The following ZNF25 variants were observed in gnomAD, a reference collection of about 807,000 sequenced individuals.
ZNF25 encodes the protein zinc finger protein 25, also known as zinc finger protein 25 (KOX 19).
ZNF25 carries 21 observed loss-of-function variants against 30.9 expected under a neutral mutation model. That is an observed-to-expected ratio of 0.68 (90% confidence interval 0.48 to 0.98). ZNF25 has a LOEUF of 0.98. ZNF25 is among the 50% of genes least tolerant of loss of function. The pLI is 0.00. For synonymous variants in ZNF25, 169 were observed against 181.3 expected, an observed-to-expected ratio of 0.93 and a Z score of 0.55; for missense variants, 501 against 529.9, an observed-to-expected ratio of 0.95 and a Z score of 0.54.
At chr10:37,963,132 T>TTTATTTA (rs1564781708) in intron 2 of ZNF25, among the ~76,000 whole-genome samples, 16 of 151,818 alleles carry the variant, frequency 1.1e-4, no homozygotes, top group African/African-American at 3.6e-4. Flanking sequence ...TTATTTATTT[T>TTTATTTA]TTGAGACAGA....
chr10:37,970,253 C>G (rs535330479), intron 2 of ZNF25, among the ~76,000 whole-genome samples: 64 of 152,198 alleles, frequency 4.2e-4, no homozygotes, highest in African/African-American at 1.4e-3. Context: ...AAATCTAATT[C>G]AGCAATATAT....
At chr10:37,974,738 T>G (rs1341417593) in intron 1 of ZNF25, among the ~76,000 whole-genome samples, 4 of 152,194 alleles carry the variant, frequency 2.6e-5, no homozygotes, top group Non-Finnish European at 5.9e-5. Flanking sequence ...AATTACCATA[T>G]GATCTAGCAA....
intron 2 of ZNF25, 76 bp downstream of exon 2, chr10:37,971,630 AAC>A (rs4007126): frequency 0.16 from 220,983 of 1,361,310 alleles, 2,505 homozygotes; most frequent in Admixed American, 0.22. Flanking sequence ...AAACTCATTA[AAC>A]ACACACACAC....
intron 4 of ZNF25, among the ~76,000 whole-genome samples, chr10:37,954,082 G>C (rs2062360100): frequency 1.3e-5 from 2 of 152,148 alleles, no homozygotes; most frequent in Admixed American, 1.3e-4. Context: ...ACGGGAGTGT[G>C]GGAAGTATAG....
At chr10:37,971,954 G>A (rs2063516894) in intron 1 of ZNF25, 147 bp from the exon 2 acceptor site, 1 of 554,638 alleles carries the variant, frequency 1.8e-6, no homozygotes, top group Non-Finnish European at 3.2e-6. Flanking sequence ...TGATGAGCCT[G>A]GGACATTTTT....
In ZNF25 at chr10:37,971,660, C is replaced by CAA. The variant is rs781658609; in HGVS notation, c.15+47_15+48insTT. The CAA allele has an allele frequency of 1.7e-3, 2,779 of 1,611,004 alleles. 1 individual carries two copies. The highest frequency in any genetic ancestry group is 2.2e-3 in the Non-Finnish European group (2,589 of 1,178,956). On this transcript the variant is annotated intron_variant, in intron 2 of 5. Transcript: ENST00000302609. ...ACACACACACACACACACACACACACACACACACACACAGTGAAACAAAGT... is the reference window on the plus strand; with the variant it reads ...ACACACACACACACACACACACACACAAACACACACACACAGTGAAACAAAGT...
At chr10:37,975,901 G>A (rs143749038) in intron 1 of ZNF25, among the ~76,000 whole-genome samples, 1 of 152,194 alleles carries the variant, frequency 6.6e-6, no homozygotes, top group South Asian at 2.1e-4. Context: ...AGAGGAAAAA[G>A]TGAGGATTTA....
Position 37,967,618 on chromosome 10 carries a change from G to A in ZNF25, c.15+4090C>T, listed in dbSNP as rs149153559. 6.5e-3 allele frequency among the ~76,000 whole-genome samples: 986 copies of A among 152,110 alleles called. 12 individuals carry two copies. Among genetic ancestry groups the A allele is most frequent in the South Asian group, 0.054 (260 of 4,816 alleles). ...AGACAGGGTCTTGTCATGTTGCCCAGGATGGTTTCAAATTCCTGGGCTCAA... is the reference window on the plus strand; with the variant it reads ...AGACAGGGTCTTGTCATGTTGCCCAAGATGGTTTCAAATTCCTGGGCTCAA... On this transcript the variant is annotated intron_variant, in intron 2 of 5. Transcript: ENST00000302609.
At chr10:37,960,642 A>AC in intron 2 of ZNF25, among the ~76,000 whole-genome samples, 1 of 150,496 alleles carries the variant, frequency 6.6e-6, no homozygotes. Flanking sequence ...AAAAAAAAAA[A>AC]AACAAAGAAG....
chr10:37,952,688 C>G lies in ZNF25; in HGVS notation c.810G>C (p.Lys270Asn). The change falls in exon 6 of 6, where the codon AAG (lysine) becomes AAC (asparagine). Residue 270 changes from lysine (K) to asparagine (N), a missense_variant. Physicochemically the swap from Lys to Asn is moderately conservative, Grantham distance 94. Coordinates refer to ENST00000302609, the MANE Select transcript of ZNF25 (RefSeq NM_145011.4). ...TTCTCTGATGTACTGTGAGGTGTGA[C>G]TTCTGGGAAAAGGCTTTCCCACACT... is the stretch of plus-strand genomic sequence containing the variant. Reference protein sequence around the residue: ...CKECGKAFSQKSHLTVHQRMH... With the variant: ...CKECGKAFSQNSHLTVHQRMH... 1 of 1,610,406 alleles carries G rather than the reference C, an allele frequency of 6.2e-7. No individual in the cohort carries two copies.
At chr10:37,956,645 G>A (rs373350774) in intron 4 of ZNF25, among the ~76,000 whole-genome samples, 3 of 152,146 alleles carry the variant, frequency 2.0e-5, no homozygotes, top group South Asian at 2.1e-4. Flanking sequence ...GGCCGGGCAC[G>A]GTGACTCACA....
In ZNF25 at chr10:37,956,829, T is replaced by C. The variant is rs533518430; in HGVS notation, c.238+191A>G. Among the ~76,000 whole-genome samples, 8 of 149,904 alleles carry C rather than the reference T, an allele frequency of 5.3e-5. No individual in the cohort carries two copies. In the South Asian group the frequency reaches 8.4e-4, roughly 16 times the overall value. Reference sequence around the variant, plus strand: ...ACTCGGGAGGCTGAGGGAGGAGAATTGCTTGAACCTGGGAGGTGGAGGTTG... The same window carrying C: ...ACTCGGGAGGCTGAGGGAGGAGAATCGCTTGAACCTGGGAGGTGGAGGTTG... On this transcript the variant is annotated intron_variant, in intron 4 of 5. Transcript: ENST00000302609.
At position 37,951,971 on chromosome 10, in the gene ZNF25, A is replaced by T; in HGVS notation, c.*156T>A. ...ATAAAATTTTCTCCCAAATAAATGT[A>T]CAGAATCTCTCTATGTATTTGCTGA... On this transcript the variant is annotated 3_prime_UTR_variant, in exon 6 of 6. Coordinates refer to ENST00000302609, the MANE Select transcript of ZNF25 (RefSeq NM_145011.4). The T allele has an allele frequency of 1.8e-6, 1 of 570,262 alleles. No individual in the cohort carries two copies. Among genetic ancestry groups the T allele is most frequent in the South Asian group, 4.2e-5 (1 of 23,906 alleles). The allele number at this position is 570,262 out of a possible 1,614,324, so 35.3% of individuals were successfully genotyped here. A position where few individuals can be genotyped will look rare whatever the true frequency, so the allele number is the denominator to read the frequency against.
chr10:37,959,076 G>T (rs79609038), intron 2 of ZNF25, among the ~76,000 whole-genome samples: 2,673 of 152,162 alleles, frequency 0.018, 25 homozygotes, highest in Middle Eastern at 0.034. Context: ...TAACAAGTTT[G>T]TTTTTGTTTA....
At chr10:37,972,220 T>C (rs551650763) in intron 1 of ZNF25, among the ~76,000 whole-genome samples, 9 of 152,332 alleles carry the variant, frequency 5.9e-5, no homozygotes, top group South Asian at 2.1e-4. Context: ...TTAGAAAGTC[T>C]GAATTTTCAA....
Position 37,957,104 on chromosome 10 carries a change from T to C in ZNF25, c.154A>G (p.Asn52Asp). Residue 52 changes from asparagine (N) to aspartate (D), a missense_variant, in exon 4 of 6, where the codon AAT (asparagine) becomes GAT (aspartate). By Grantham distance (23) the Asn-to-Asp change is conservative. Coordinates refer to ENST00000302609, the MANE Select transcript of ZNF25 (RefSeq NM_145011.4). ...AACTTGAAGACTGCATTTGGCTTAT[T>C]CACATGGTAACCTATGAATGGAAAA... Reference protein sequence around the residue: ...SHLVSVGYHVNKPNAVFKLKQ... With the variant: ...SHLVSVGYHVDKPNAVFKLKQ... 3 of 1,613,944 alleles carry C rather than the reference T, an allele frequency of 1.9e-6. No individual in the cohort carries two copies. The African/African-American group carries it at 4.0e-5, about 22-fold the overall frequency.
At chr10:37,958,928 A>C (rs2062694992) in intron 2 of ZNF25, among the ~76,000 whole-genome samples, 1 of 152,212 alleles carries the variant, frequency 6.6e-6, no homozygotes, top group Non-Finnish European at 1.5e-5. Context: ...ACACACCTGT[A>C]GTCCCAGATA....
At chr10:37,967,159 T>C (rs867502832) in intron 2 of ZNF25, among the ~76,000 whole-genome samples, 2 of 152,162 alleles carry the variant, frequency 1.3e-5, no homozygotes, top group East Asian at 1.9e-4. Flanking sequence ...CCAGTCCCTA[T>C]CAAACTCCCA....
At chr10:37,962,420 C>T (rs1174127427) in intron 2 of ZNF25, among the ~76,000 whole-genome samples, 1 of 152,160 alleles carries the variant, frequency 6.6e-6, no homozygotes, top group East Asian at 1.9e-4. Context: ...AAAGTGCTCA[C>T]ATCTTTTCAT....
Sources: gnomAD v4.1 joint callset for allele counts (sites outside exome capture counted in the v4.1 genomes callset) on GRCh38, gnomAD v4.1.1 for gene constraint, MANE v1.5 for transcripts, NCBI Gene and HGNC (gene_info 2026-07-23, HGNC 2026-07-21) for gene names.